DROSHA: variants seen among roughly 807,000 people sequenced by gnomAD.
The protein encoded by DROSHA is ribonuclease 3.
DROSHA carries 56 observed loss-of-function variants against 181.9 expected under a neutral mutation model. The ratio of observed to expected loss-of-function variants is 0.31; its 90% CI spans 0.25 to 0.38. The LOEUF (loss-of-function observed/expected upper bound fraction) is 0.38, where lower values mean the gene tolerates loss of function less well. Among genes scored for constraint, DROSHA ranks in the 10% least tolerant of loss-of-function variants. The pLI is 1.00. For missense variants in DROSHA, 1,218 were observed against 1,743.5 expected, an observed-to-expected ratio of 0.70 and a Z score of 5.37; for synonymous variants, 524 against 591.2, an observed-to-expected ratio of 0.89 and a Z score of 1.65.
intron 2 of DROSHA, among the ~76,000 whole-genome samples, chr5:31,531,245 G>A (rs918868584): frequency 1.3e-5 from 2 of 152,158 alleles, no homozygotes; most frequent in Admixed American, 6.5e-5. Context: ...GGTGTGTGCC[G>A]CACCTAGAGG....
intron 1 of DROSHA, 109 bp downstream of exon 1, chr5:31,531,881 C>A (rs1280599548): frequency 6.3e-6 from 1 of 157,806 alleles, no homozygotes; most frequent in Non-Finnish European, 1.4e-5. Context: ...GTGGGGCTGC[C>A]CGACCCCAAT....
At chr5:31,483,434 G>T in intron 16 of DROSHA, 120 bp downstream of exon 16, 1 of 926,816 alleles carries the variant, frequency 1.1e-6, no homozygotes, top group Non-Finnish European at 1.7e-6. Context: ...CCTAACCTGA[G>T]AAGTAGATAA....
chr5:31,477,885 G>C (rs944976363), intron 16 of DROSHA, among the ~76,000 whole-genome samples: 1 of 152,192 alleles, frequency 6.6e-6, no homozygotes, highest in Non-Finnish European at 1.5e-5. Context: ...ATTGCTCTAT[G>C]ATTTGGTTTC....
intron 17 of DROSHA, among the ~76,000 whole-genome samples, chr5:31,468,516 A>G (rs995171988): frequency 6.6e-6 from 1 of 152,138 alleles, no homozygotes; most frequent in Non-Finnish European, 1.5e-5. Flanking sequence ...TTAATTCTAC[A>G]TCTTTAAGTT....
intron 9 of DROSHA, 40 bp downstream of exon 9, chr5:31,510,995 A>T (rs779311677): frequency 4.4e-6 from 7 of 1,598,062 alleles, no homozygotes; most frequent in Non-Finnish European, 5.1e-6. Context: ...ATGAAGCTAT[A>T]ATCGCAAGGG....
intron 20 of DROSHA, among the ~76,000 whole-genome samples, chr5:31,461,242 A>T (rs1462482031): frequency 3.3e-5 from 5 of 152,316 alleles, no homozygotes; most frequent in African/African-American, 1.2e-4. Flanking sequence ...TTTCAAGGTT[A>T]AAAAAATTCA....
chr5:31,426,104 T>C lies in DROSHA; in HGVS notation c.3217-1633A>G, dbSNP rs145722629. 3.2e-4 allele frequency among the ~76,000 whole-genome samples: 48 copies of C among 152,200 alleles called. 1 individual carries two copies. Among genetic ancestry groups the C allele is most frequent in the African/African-American group, 7.5e-4 (31 of 41,540 alleles). On this transcript the variant is annotated intron_variant, in intron 27 of 35. Coordinates refer to ENST00000344624, the MANE Select transcript of DROSHA (RefSeq NM_001382508.1). ...GTCTTATACCGAAACAAGACTGTGA[T>C]TCCTCCTTTCATGTCTGCTGCCACC...
chr5:31,495,153 C>T, intron 12 of DROSHA, 133 bp downstream of exon 12: 1 of 1,006,754 alleles, frequency 9.9e-7, no homozygotes, highest in South Asian at 1.5e-5. Flanking sequence ...TGAGAAAGGC[C>T]AATTTGTCAA....
chr5:31,531,155 C>A (rs1741301266), intron 2 of DROSHA, among the ~76,000 whole-genome samples: 1 of 152,090 alleles, frequency 6.6e-6, no homozygotes, highest in Non-Finnish European at 1.5e-5. Flanking sequence ...AACCCACGTA[C>A]AAGTAAGTGT....
At chr5:31,488,003 T>C (rs2150039552) in intron 13 of DROSHA, among the ~76,000 whole-genome samples, 1 of 152,160 alleles carries the variant, frequency 6.6e-6, no homozygotes, top group East Asian at 1.9e-4. Flanking sequence ...GGCATGTAAG[T>C]AAATACAAAA....
chr5:31,526,193 A>G lies in DROSHA; in HGVS notation c.740T>C (p.Leu247Pro), dbSNP rs1482620528. ...ACTGCGGCCTCGCTCCCGCCGATCC[A>G]GGGACCGATGCCTCTCACCTCGCCC... ...SHGRGERHRS[L>P]DRRERGRSPD... The change falls in exon 5 of 36, where the codon CTG becomes CCG. Residue 247 changes from leucine to proline, a missense_variant. This residue lies in a region of DROSHA where 536 missense variants were observed against 535.4 expected (regional missense o/e 1.00). Transcript: ENST00000344624. 5.0e-6 allele frequency: 8 copies of G among 1,613,264 alleles called. No homozygotes were observed. The highest frequency in any genetic ancestry group is 5.9e-6 in the Non-Finnish European group (7 of 1,179,790).
chr5:31,435,164 A>G (rs766189710), intron 25 of DROSHA, among the ~76,000 whole-genome samples: 2 of 152,346 alleles, frequency 1.3e-5, no homozygotes, highest in South Asian at 2.1e-4. Flanking sequence ...ATTTATTATA[A>G]TAAGACATAA....
At chr5:31,488,083 T>C (rs4867340) in intron 13 of DROSHA, among the ~76,000 whole-genome samples, 142,816 of 152,188 alleles carry the variant, frequency 0.94, 67,420 homozygotes, top group East Asian at 1. Flanking sequence ...GTATAAAGTA[T>C]AAAAGAACCA....
chr5:31,448,099 C>T (rs1746526838), intron 23 of DROSHA, among the ~76,000 whole-genome samples: 1 of 152,158 alleles, frequency 6.6e-6, no homozygotes, highest in Non-Finnish European at 1.5e-5. Context: ...GGAAACAATC[C>T]ATGTGCCCAT....
intron 30 of DROSHA, among the ~76,000 whole-genome samples, chr5:31,413,339 C>T (rs1237423372): frequency 2.6e-5 from 4 of 152,206 alleles, no homozygotes; most frequent in Non-Finnish European, 1.5e-5. Context: ...CATCCATATT[C>T]TCATCGTCAG....
intron 15 of DROSHA, 23 bp from the exon 16 acceptor site, chr5:31,483,651 A>AAG: frequency 6.4e-7 from 1 of 1,557,716 alleles, no homozygotes; most frequent in Non-Finnish European, 8.6e-7. Context: ...AATGAGAAAA[A>AAG]AAAAAAAAAA....
At position 31,526,701 on chromosome 5, in the gene DROSHA, A is replaced by C; in HGVS notation, c.232T>G (p.Phe78Val). Reference protein sequence around the residue: ...APNFLPPRPDFVPFPPPMPPS... With the variant: ...APNFLPPRPDVVPFPPPMPPS... Reference sequence around the variant, plus strand: ...GGCATGGGTGGGGGGAAGGGTACAAAGTCTGGTCGTGGAGGGAGAAAATTG... The same window carrying C: ...GGCATGGGTGGGGGGAAGGGTACAACGTCTGGTCGTGGAGGGAGAAAATTG... Residue 78 changes from phenylalanine to valine, a missense_variant, in exon 5 of 36, where the codon TTT becomes GTT. Physicochemically the swap from Phe to Val is conservative, Grantham distance 50. Transcript: ENST00000344624. 1.3e-6 allele frequency: 2 copies of C among 1,540,350 alleles called. No individual in the cohort carries two copies. Among genetic ancestry groups the C allele is most frequent in the Non-Finnish European group, 1.7e-6 (2 of 1,147,518 alleles).
chr5:31,501,210 G>A (rs1753538717), intron 11 of DROSHA, among the ~76,000 whole-genome samples: 1 of 152,114 alleles, frequency 6.6e-6, no homozygotes, highest in African/African-American at 2.4e-5. Flanking sequence ...TTGATACTTG[G>A]AGACTGGATA....
intron 12 of DROSHA, among the ~76,000 whole-genome samples, chr5:31,494,922 C>T (rs1364152287): frequency 6.6e-6 from 1 of 152,148 alleles, no homozygotes; most frequent in Non-Finnish European, 1.5e-5. Flanking sequence ...GATCTGCCCA[C>T]CTCGGCCTCC....
Sources: allele counts gnomAD v4.1 joint callset (sites outside exome capture counted in the v4.1 genomes callset), GRCh38; gene constraint gnomAD v4.1.1; regional missense constraint gnomAD v4.1.1; transcripts MANE v1.5; gene names NCBI Gene and HGNC (gene_info 2026-07-23, HGNC 2026-07-21).